The following BRF1 variants were observed in gnomAD, a reference collection of about 807,000 sequenced individuals.
BRF1 encodes transcription factor IIIB 90 kDa subunit.
BRF1 carries 59 observed loss-of-function variants against 81.7 expected under a neutral mutation model. That is an observed-to-expected ratio of 0.72 (90% CI 0.59 to 0.90). BRF1 has a LOEUF of 0.90. Ranked by LOEUF, BRF1 falls within the 40% of genes least tolerant of loss-of-function variation. The probability of loss-of-function intolerance (pLI) is 0.00; values close to 1 mark genes in which losing one functional copy is unlikely to be tolerated. For missense variants in BRF1, 1,050 were observed against 936.3 expected (o/e 1.12, Z -1.58); for synonymous variants, 491 against 395.6 (o/e 1.24, Z -2.86).
intron 7 of BRF1, 110 bp downstream of exon 7, chr14:105,228,710 G>A: frequency 7.9e-7 from 1 of 1,266,236 alleles, no homozygotes; most frequent in Non-Finnish European, 1.1e-6. Context: ...CCAGCAGCCA[G>A]GCGGGGGACG....
At chr14:105,306,047 A>T (rs1040000768) in intron 1 of BRF1, among the ~76,000 whole-genome samples, 1 of 152,210 alleles carries the variant, frequency 6.6e-6, no homozygotes, top group Non-Finnish European at 1.5e-5. Flanking sequence ...GGGCAGGAAC[A>T]TTCCTTCATG....
chr14:105,247,398 T>C, intron 5 of BRF1: 1 of 985,430 alleles, frequency 1.0e-6, no homozygotes, highest in Non-Finnish European at 1.2e-6. Context: ...AATGATGATT[T>C]GTGCACTCTG....
chr14:105,242,077 C>G (rs1046649474), intron 5 of BRF1: 3 of 152,576 alleles, frequency 2.0e-5, no homozygotes, highest in Admixed American at 2.0e-4. Context: ...CAGGGCCCTG[C>G]TGTGCCCCAC....
intron 4 of BRF1, among the ~76,000 whole-genome samples, chr14:105,252,856 G>A (rs938845679): frequency 1.3e-5 from 2 of 152,214 alleles, no homozygotes; most frequent in African/African-American, 2.4e-5. Flanking sequence ...CTCCCAGGGC[G>A]TCATCACACG....
rs1465294785 is a variant in BRF1 at position 105,284,061 on chromosome 14, G to A, written c.265+2235C>T. On this transcript the variant is annotated intron_variant, in intron 2 of 17. Transcript: ENST00000547530. The surrounding 1 kb of genome is among the most constrained non-coding windows in gnomAD (Gnocchi z 4.0). Reference sequence around the variant, plus strand: ...GTGCCAGGTCTTCATGCACACTCTCGGTGGCAGACACAGAGAACCAGCCAG... The same window carrying A: ...GTGCCAGGTCTTCATGCACACTCTCAGTGGCAGACACAGAGAACCAGCCAG... 6.6e-6 allele frequency among the ~76,000 whole-genome samples: 1 copy of A among 152,094 alleles called. No homozygotes were observed. Among genetic ancestry groups the A allele is most frequent in the Non-Finnish European group, 1.5e-5 (1 of 68,012 alleles).
rs1392327525 is a variant in BRF1, at chr14:105,210,349, C to T, written c.*202G>A. On this transcript the variant is annotated 3_prime_UTR_variant, in exon 18 of 18. Transcript: ENST00000547530. The surrounding 1 kb of genome is among the most constrained non-coding windows in gnomAD (Gnocchi z 4.7). ...CCACATCTGATCACACACATGCAGA[C>T]GCTTGGTCCGGTTTCCCTTGCTGAA... The T allele has an allele frequency of 1.6e-5, 10 of 614,714 alleles. No homozygotes were observed. The highest frequency in any genetic ancestry group is 1.4e-4 in the Admixed American group (5 of 35,978). 38.1% of individuals were successfully genotyped at this position (614,714 alleles called of 1,614,324 possible).
chr14:105,271,430 G>A lies in BRF1; in HGVS notation c.439+1291C>T, dbSNP rs2056649904. ...CTGGAGGCAAGGCGACGGCAGGGGC[G>A]CAGGCTGGGAGGCAGACATGTGGCC... On this transcript the variant is annotated intron_variant, in intron 3 of 17. Transcript: ENST00000547530. This position sits in a 1 kb window ranked among gnomAD's most constrained non-coding sequence, Gnocchi z 5.5. Among the ~76,000 whole-genome samples the A allele has an allele frequency of 6.6e-6, 1 of 152,230 alleles. No homozygotes were observed. Among genetic ancestry groups the A allele is most frequent in the Non-Finnish European group, 1.5e-5 (1 of 68,046 alleles).
chr14:105,217,011 AC>A (rs1366913596), intron 15 of BRF1, among the ~76,000 whole-genome samples: 11 of 152,150 alleles, frequency 7.2e-5, no homozygotes, highest in African/African-American at 2.4e-4. Context: ...ACAGAGGCCG[AC>A]CCACTCCAAG....
At chr14:105,219,739 G>A (rs2141460132) in intron 12 of BRF1, 1 of 470,752 alleles carries the variant, frequency 2.1e-6, no homozygotes, top group Non-Finnish European at 3.9e-6. Context: ...TGGAGTCAGT[G>A]GGTGCCCTCT....
Position 105,272,901 on chromosome 14 carries a change from C to A in BRF1, c.266-7G>T, listed in dbSNP as rs186545857. On this transcript the variant is annotated splice_region_variant and splice_polypyrimidine_tract_variant and intron_variant, in intron 2 of 17. Coordinates refer to ENST00000547530, the MANE Select transcript of BRF1 (RefSeq NM_001519.4). ...TGGTGGATGTGGCGCCTCCCTAGGA[C>A]ACAGCACGAGGCAGCTCTTAGCCAA... is the stretch of plus-strand genomic sequence containing the variant. 172 of 1,600,186 alleles carry A rather than the reference C, an allele frequency of 1.1e-4. No homozygotes were observed. The African/African-American group carries it at 1.9e-3, about 17-fold the overall frequency.
At chr14:105,248,225 G>A (rs1269181630) in intron 5 of BRF1, 3 of 985,374 alleles carry the variant, frequency 3.0e-6, no homozygotes, top group African/African-American at 3.5e-5. Context: ...AACGAACGAG[G>A]AAGCCCAACG....
At position 105,272,704 on chromosome 14, in the gene BRF1, C is replaced by G. The variant is rs181119448; in HGVS notation, c.439+17G>C. The G allele has an allele frequency of 1.8e-5, 28 of 1,585,526 alleles. No individual in the cohort carries two copies. In the Admixed American group the frequency reaches 3.8e-4, roughly 21 times the overall value. On this transcript the variant is annotated intron_variant, in intron 3 of 17. Transcript: ENST00000547530. ...TCAAGATGGGGCCCTCTGGGAGGCT[C>G]TCAAACCAAAGGATACGCGGCGTGC...
intron 5 of BRF1, chr14:105,249,122 G>A: frequency 2.0e-6 from 3 of 1,513,198 alleles, no homozygotes; most frequent in Non-Finnish European, 1.8e-6. Context: ...GCCCGCGCGC[G>A]CCCACGCCCC....
At chr14:105,241,126 C>G (rs931794181) in intron 6 of BRF1, 139 bp downstream of exon 6, 3 of 1,392,048 alleles carry the variant, frequency 2.2e-6, no homozygotes, top group Non-Finnish European at 9.7e-7. Flanking sequence ...TGGGCCAGGC[C>G]AGAGTCAGCC....
At chr14:105,211,773 G>C (rs1890155999) in intron 16 of BRF1, 16 of 428,172 alleles carry the variant, frequency 3.7e-5, no homozygotes. Flanking sequence ...AAAGACCCCT[G>C]AGCCCTGGAG....
intron 1 of BRF1, among the ~76,000 whole-genome samples, chr14:105,286,637 C>T (rs1440656384): frequency 6.6e-6 from 1 of 151,998 alleles, no homozygotes; most frequent in Non-Finnish European, 1.5e-5. Flanking sequence ...ACGGAGTCTC[C>T]CTCTGTTGCC....
intron 4 of BRF1, among the ~76,000 whole-genome samples, chr14:105,255,761 G>A (rs748218705): frequency 3.3e-5 from 5 of 152,194 alleles, no homozygotes; most frequent in Non-Finnish European, 7.3e-5. Context: ...GTAACTGAAA[G>A]TGCTTTCTGT....
At chr14:105,279,876 A>G (rs587623298) in intron 2 of BRF1, among the ~76,000 whole-genome samples, 58 of 152,354 alleles carry the variant, frequency 3.8e-4, no homozygotes, top group Non-Finnish European at 1.2e-4. Flanking sequence ...CAATAAAAGA[A>G]TAAACTACTT....
At chr14:105,260,258 A>G (rs915871260) in intron 3 of BRF1, among the ~76,000 whole-genome samples, 1 of 152,202 alleles carries the variant, frequency 6.6e-6, no homozygotes, top group Non-Finnish European at 1.5e-5. Flanking sequence ...GACGTCTGCA[A>G]CTTGCCTTGA....
Sources: gnomAD v4.1 joint callset for allele counts (sites outside exome capture counted in the v4.1 genomes callset) on GRCh38, gnomAD v4.1.1 for gene constraint, Gnocchi (gnomAD v3.1) non-coding constraint, MANE v1.5 for transcripts, NCBI Gene and HGNC (gene_info 2026-07-23, HGNC 2026-07-21) for gene names.